Variants in FAS observed in about 807,000 individuals in gnomAD.
FAS encodes the protein Fas cell surface death receptor, also known as tumor necrosis factor receptor superfamily member 6.
A neutral mutation model predicts 33.2 loss-of-function variants in FAS; 5 were observed. The observed-to-expected ratio is 0.15, with a 90% CI of 0.08 to 0.32. The LOEUF (loss-of-function observed/expected upper bound fraction) is 0.32. FAS is among the 10% of genes least tolerant of loss of function. FAS has a pLI of 1.00. For synonymous variants in FAS, 131 were observed against 130.7 expected, an observed-to-expected ratio of 1.00 and a Z score of -0.01; for missense variants, 339 against 386.0, an observed-to-expected ratio of 0.88 and a Z score of 1.02.
intron 1 of FAS, among the ~76,000 whole-genome samples, chr10:88,998,727 G>A (rs1167937819): frequency 6.6e-6 from 1 of 152,168 alleles, no homozygotes; most frequent in Non-Finnish European, 1.5e-5. Context: ...ATCAGAAAAG[G>A]GGTTTGGGCT....
chr10:89,013,529 G>T (rs544507458), intron 8 of FAS, among the ~76,000 whole-genome samples, 162 bp downstream of exon 8: 2 of 152,214 alleles, frequency 1.3e-5, no homozygotes, highest in South Asian at 2.1e-4. Context: ...CAGGCAGTTT[G>T]TTTAAATTTA....
chr10:88,985,458 CTATG>C (rs1370832406), upstream of FAS, among the ~76,000 whole-genome samples: 1 of 152,202 alleles, frequency 6.6e-6, no homozygotes, highest in Non-Finnish European at 1.5e-5. Context: ...AGAAAACCAC[CTATG>C]TCTCCTTTCT....
chr10:89,008,859 T>TA, intron 3 of FAS, 30 bp from the exon 4 acceptor site: 1 of 1,599,232 alleles, frequency 6.3e-7, no homozygotes, highest in African/African-American at 1.3e-5. Flanking sequence ...TTAGCCGCTA[T>TA]AACTAATAGT....
At chr10:88,993,786 C>T (rs567911411) in intron 1 of FAS, among the ~76,000 whole-genome samples, 64 of 98,478 alleles carry the variant, frequency 6.5e-4, no homozygotes, top group African/African-American at 3.4e-3. Flanking sequence ...GCCAACCTAA[C>T]GAACATATTG....
intron 7 of FAS, 63 bp downstream of exon 7, chr10:89,012,144 C>A: frequency 7.6e-7 from 1 of 1,320,594 alleles, no homozygotes; most frequent in Non-Finnish European, 1.1e-6. Flanking sequence ...AGTGATTTGG[C>A]TTTTTGTTAC....
At chr10:89,000,840 A>C (rs1247437053) in intron 1 of FAS, among the ~76,000 whole-genome samples, 3 of 152,210 alleles carry the variant, frequency 2.0e-5, no homozygotes, top group Non-Finnish European at 4.4e-5. Flanking sequence ...TGAGGTCAGG[A>C]GTTTGAGATT....
chr10:88,976,693 T>C (rs1846572733), intron 2 of FAS, among the ~76,000 whole-genome samples: 1 of 152,222 alleles, frequency 6.6e-6, no homozygotes, highest in Admixed American at 6.5e-5. Flanking sequence ...ATGATTATAA[T>C]TTTAAATTAA....
chr10:88,997,827 TG>T, intron 1 of FAS, among the ~76,000 whole-genome samples: 1 of 152,352 alleles, frequency 6.6e-6, no homozygotes. Context: ...GCTCCATTTT[TG>T]TCCTCAGCAG....
In FAS at chr10:88,966,553, G is replaced by A. The variant is rs141251927; in HGVS notation, n.95-6629G>A. ...ATAAACTCTTCTGTTTATCTGTGGC[G>A]TCTGTGAGGTAATAAGCAGAAGAGG... On this transcript the variant is annotated intron_variant and non_coding_transcript_variant, in intron 1 of 3. Coordinates refer to the FAS transcript ENST00000688239. Among the ~76,000 whole-genome samples the A allele has an allele frequency of 6.8e-3, 1,039 of 152,246 alleles. 18 individuals carry two copies. Among genetic ancestry groups the A allele is most frequent in the African/African-American group, 0.021 (884 of 41,536 alleles).
chr10:88,977,519 C>T (rs1846595189), intron 2 of FAS, among the ~76,000 whole-genome samples: 1 of 151,976 alleles, frequency 6.6e-6, no homozygotes, highest in Non-Finnish European at 1.5e-5. Flanking sequence ...GGCTAATATC[C>T]AGAATCTACA....
intron 1 of FAS, among the ~76,000 whole-genome samples, chr10:88,996,784 ACAAAAAAACCCTGGGC>A (rs924560492): frequency 6.6e-6 from 1 of 152,222 alleles, no homozygotes; most frequent in African/African-American, 2.4e-5. Flanking sequence ...TAAAAATAAT[ACAAAAAAACCCTGGGC>A]CTATACTGCC....
intron 2 of FAS, among the ~76,000 whole-genome samples, chr10:88,978,213 C>A (rs1455239865): frequency 1.5e-5 from 2 of 130,154 alleles, no homozygotes; most frequent in Non-Finnish European, 3.2e-5. Context: ...ATCACATGGA[C>A]ACTGGAAGGG....
At chr10:89,003,249 A>C in intron 2 of FAS, 55 bp downstream of exon 2, 3 of 1,595,982 alleles carry the variant, frequency 1.9e-6, no homozygotes, top group Non-Finnish European at 2.6e-6. Context: ...TAGGAGTAGC[A>C]CATAGTAATC....
rs866293768 is a variant in FAS at position 89,007,589 on chromosome 10, C to A, written c.197-111C>A. On this transcript the variant is annotated intron_variant, in intron 2 of 8. Coordinates refer to ENST00000652046, the MANE Select transcript of FAS (RefSeq NM_000043.6). ...TATTTATATCTCATTAGCCTACCCC[C>A]CCTCCCCTTGTGTTTTAGAAGAGTT... 1.4e-5 allele frequency: 20 copies of A among 1,398,930 alleles called. No homozygotes were observed. The Middle Eastern group carries it at 6.9e-4, about 48-fold the overall frequency. The allele number at this position is 1,398,930 out of a possible 1,614,324, so 86.7% of individuals were successfully genotyped here.
At chr10:88,988,424 T>G (rs966420699), upstream of FAS, among the ~76,000 whole-genome samples, 9 of 8,446 alleles carry the variant, frequency 1.1e-3, no homozygotes, top group African/African-American at 9.9e-3. Flanking sequence ...AAGTTTTTTT[T>G]TTTTTTTGTT....
intron 2 of FAS, among the ~76,000 whole-genome samples, chr10:88,976,836 A>G (rs1846575647): frequency 6.6e-6 from 1 of 152,240 alleles, no homozygotes; most frequent in Non-Finnish European, 1.5e-5. Context: ...TGAAAATTGA[A>G]TAAAATAATT....
At chr10:88,967,216 T>G (rs1217799448) in intron 1 of FAS, among the ~76,000 whole-genome samples, 1 of 152,174 alleles carries the variant, frequency 6.6e-6, no homozygotes, top group African/African-American at 2.4e-5. Flanking sequence ...GAGCTCCCAG[T>G]TCTTTAAACC....
chr10:88,982,431 T>C (rs78484273), upstream of FAS, among the ~76,000 whole-genome samples: 20 of 152,166 alleles, frequency 1.3e-4, no homozygotes, highest in East Asian at 3.9e-3. Context: ...TTTTTTTCTT[T>C]TTTTTTTTGA....
At chr10:88,998,258 T>G (rs2133440011) in intron 1 of FAS, among the ~76,000 whole-genome samples, 1 of 152,056 alleles carries the variant, frequency 6.6e-6, no homozygotes, top group African/African-American at 2.4e-5. Flanking sequence ...TTCCTCTGTT[T>G]GTATGTGTGT....
Sources: gnomAD v4.1 joint callset for allele counts (sites outside exome capture counted in the v4.1 genomes callset) on GRCh38, gnomAD v4.1.1 for gene constraint, MANE v1.5 for transcripts, NCBI Gene and HGNC (gene_info 2026-07-23, HGNC 2026-07-21) for gene names.